Variants in ZSWIM4 observed in about 807,000 individuals in gnomAD.
The protein encoded by ZSWIM4 is zinc finger SWIM domain-containing protein 4.
ZSWIM4 carries 62 observed loss-of-function variants against 102.5 expected under a neutral mutation model. The ratio of observed to expected loss-of-function variants is 0.60; its 90% CI spans 0.49 to 0.75. The LOEUF (loss-of-function observed/expected upper bound fraction) is 0.75. Among genes scored for constraint, ZSWIM4 ranks in the 30% least tolerant of loss-of-function variants. ZSWIM4 has a pLI of 0.00. For synonymous variants in ZSWIM4, 652 were observed against 674.5 expected (o/e 0.97, Z 0.52); for missense variants, 1,280 against 1,529.6 (o/e 0.84, Z 2.72).
In ZSWIM4 at chr19:13,795,660, C is replaced by A. The variant is rs1015953921; in HGVS notation, c.12C>A (p.Pro4=). Residue 4 remains proline, a synonymous_variant, in exon 1 of 14, where the codon CCC becomes CCA. Coordinates refer to ENST00000590508, the MANE Select transcript of ZSWIM4 (RefSeq NM_001367834.3). ...CCCGGCCGGGCCGGATGGAACCCCC[C>A]GCGGCCAAGCGGAGCCGGGGCTGCC... MEP[P]AAKRSRGCPA... 1.7e-5 allele frequency: 14 copies of A among 834,350 alleles called. No individual in the cohort carries two copies. Among genetic ancestry groups the A allele is most frequent in the Middle Eastern group, 4.5e-4 (1 of 2,214 alleles). 51.7% of individuals were successfully genotyped at this position (834,350 alleles called of 1,614,324 possible).
chr19:13,823,597 A>T, intron 11 of ZSWIM4, 97 bp downstream of exon 11: 1 of 1,409,400 alleles, frequency 7.1e-7, no homozygotes, highest in African/African-American at 1.4e-5. Flanking sequence ...ATCCTTTCAC[A>T]AACTTCCCCC....
intron 2 of ZSWIM4, among the ~76,000 whole-genome samples, chr19:13,803,626 A>ACTAAAAATAC (rs1974832985): frequency 6.6e-6 from 1 of 151,376 alleles, no homozygotes; most frequent in Non-Finnish European, 1.5e-5. Flanking sequence ...CAATATGGTG[A>ACTAAAAATAC]AACCTGATCT....
chr19:13,798,273 G>A (rs1171623603), intron 1 of ZSWIM4, among the ~76,000 whole-genome samples: 2 of 152,018 alleles, frequency 1.3e-5, no homozygotes, highest in African/African-American at 4.8e-5. Flanking sequence ...TGAGTAGCTG[G>A]GATTCCAGAC....
intron 2 of ZSWIM4, among the ~76,000 whole-genome samples, chr19:13,802,994 C>T (rs187025721): frequency 6.6e-6 from 1 of 152,146 alleles, no homozygotes; most frequent in Admixed American, 6.6e-5. Context: ...CCTTGGATCT[C>T]AGGCAGCCAG....
chr19:13,812,344 A>T (rs1050903568), intron 5 of ZSWIM4, among the ~76,000 whole-genome samples: 1 of 151,628 alleles, frequency 6.6e-6, no homozygotes, highest in African/African-American at 2.4e-5. Flanking sequence ...CCCAGGCTGG[A>T]GTACAGTGGT....
intron 10 of ZSWIM4, among the ~76,000 whole-genome samples, chr19:13,820,231 T>C (rs1411534951): frequency 6.6e-6 from 1 of 151,928 alleles, no homozygotes; most frequent in Non-Finnish European, 1.5e-5. Context: ...TGTGTGTTTT[T>C]TGTTTTGTGT....
intron 3 of ZSWIM4, 50 bp from the exon 4 acceptor site, chr19:13,808,786 A>T: frequency 6.7e-7 from 1 of 1,492,368 alleles, no homozygotes; most frequent in Non-Finnish European, 9.0e-7. Flanking sequence ...AACCCAACCC[A>T]ACCCCAACTC....
intron 12 of ZSWIM4, among the ~76,000 whole-genome samples, chr19:13,826,457 T>G (rs974175251): frequency 6.6e-6 from 1 of 151,762 alleles, no homozygotes; most frequent in Non-Finnish European, 1.5e-5. Flanking sequence ...ACTCTAGGGG[T>G]GGGGTCTGTG....
chr19:13,822,163 TACACACACACACACACACACACAC>T (rs59602194), intron 10 of ZSWIM4, among the ~76,000 whole-genome samples: 1 of 142,184 alleles, frequency 7.0e-6, no homozygotes, highest in South Asian at 2.4e-4. Context: ...CACACACACA[TACACACACACACACACACACACAC>T]ACACACACAC....
At chr19:13,803,611 C>T (rs1974832303) in intron 2 of ZSWIM4, among the ~76,000 whole-genome samples, 2 of 150,918 alleles carry the variant, frequency 1.3e-5, no homozygotes, top group African/African-American at 4.9e-5. Flanking sequence ...CAAGACTAGC[C>T]TGGCCAATAT....
chr19:13,830,435 C>A lies in ZSWIM4; in HGVS notation c.2706C>A (p.Phe902Leu), dbSNP rs781050746. 1 of 1,609,306 alleles carries A rather than the reference C, an allele frequency of 6.2e-7. No individual in the cohort carries two copies. Among genetic ancestry groups the A allele is most frequent in the Non-Finnish European group, 8.5e-7 (1 of 1,179,908 alleles). ...TGTGCGAGAAGAACCACTCGGCCTT[C>A]GAGGCGGCCTACCAGATCGTGCTGG... ...LTLCEKNHSA[F>L]EAAYQIVLDA... is the part of the protein sequence containing the mutation. The change falls in exon 14 of 14, where the codon TTC (phenylalanine) becomes TTA (leucine). Residue 902 changes from phenylalanine to leucine, a missense_variant. Transcript: ENST00000590508.
At position 13,802,138 on chromosome 19, in the gene ZSWIM4, G is replaced by T. The variant is rs534636185; in HGVS notation, c.355+2217G>T. ...CTACAGGCACCTGCCACCACACCCA[G>T]CTAATTTTTTCTATTTTTTAGTAGA... On this transcript the variant is annotated intron_variant, in intron 2 of 13. Coordinates refer to ENST00000590508, the MANE Select transcript of ZSWIM4 (RefSeq NM_001367834.3). Among the ~76,000 whole-genome samples the T allele has an allele frequency of 5.6e-5, 8 of 142,130 alleles. No individual in the cohort carries two copies. In the East Asian group the frequency reaches 1.7e-3, roughly 30 times the overall value. 93.2% of individuals were successfully genotyped at this position (142,130 alleles called of 152,430 possible).
At position 13,817,785 on chromosome 19, in the gene ZSWIM4, A is replaced by T; in HGVS notation, c.1733A>T (p.Glu578Val). The change falls in exon 9 of 14, where the codon GAG becomes GTG. Residue 578 changes from glutamate (E) to valine (V), a missense_variant. By Grantham distance (121) the Glu-to-Val change is moderately radical (BLOSUM62 -2). Coordinates refer to ENST00000590508, the MANE Select transcript of ZSWIM4 (RefSeq NM_001367834.3). ...QHVPVPGSPGESYLVLALEVA... is the reference protein window; with the variant it reads ...QHVPVPGSPGVSYLVLALEVA... ...GTGCCTGTGCCCGGGAGCCCTGGGG[A>T]GTCCTACTTGGTGCTGGCGCTGGAG... The T allele has an allele frequency of 6.3e-7, 1 of 1,598,630 alleles. No homozygotes were observed. The highest frequency in any genetic ancestry group is 8.5e-7 in the Non-Finnish European group (1 of 1,174,098).
chr19:13,799,905 C>T lies in ZSWIM4; in HGVS notation c.339C>T (p.Asp113=), dbSNP rs1385781646. The T allele has an allele frequency of 2.5e-6, 4 of 1,611,320 alleles. No homozygotes were observed. The South Asian group carries it at 4.4e-5, about 18-fold the overall frequency. Reference sequence around the variant, plus strand: ...ACCTGCTCCAGAGCGGGGCCGTGGACCGCGTGTTGCAAGTGGGTGAGTCTT... The same window carrying T: ...ACCTGCTCCAGAGCGGGGCCGTGGATCGCGTGTTGCAAGTGGGTGAGTCTT... ...GLHLLQSGAV[D]RVLQVGFHLS... is the part of the protein sequence containing the mutation. The change falls in exon 2 of 14, where the codon GAC becomes GAT. Residue 113 remains aspartate (D), a synonymous_variant. Transcript: ENST00000590508.
At chr19:13,821,170 GC>G (rs951698884) in intron 10 of ZSWIM4, among the ~76,000 whole-genome samples, 11 of 151,788 alleles carry the variant, frequency 7.2e-5, no homozygotes, top group African/African-American at 2.7e-4. Context: ...TGTAATCCCA[GC>G]TACTCCGGAG....
Position 13,817,604 on chromosome 19 carries a change from C to T in ZSWIM4, c.1670-118C>T, listed in dbSNP as rs937657088. On this transcript the variant is annotated intron_variant, in intron 8 of 13. Transcript: ENST00000590508. ...CCCCCAACCCCGTGAGTGCTGGGAG[C>T]TTCTGGGCTCCCTCTAAAGCCTACC... 6.6e-5 allele frequency: 87 copies of T among 1,308,322 alleles called. 1 individual carries two copies. In the South Asian group the frequency reaches 1.3e-3, roughly 19 times the overall value. 81.0% of individuals were successfully genotyped at this position (1,308,322 alleles called of 1,614,324 possible). A position where few individuals can be genotyped will look rare whatever the true frequency, so the allele number is the denominator to read the frequency against.
At chr19:13,810,293 G>T (rs944288947) in intron 5 of ZSWIM4, among the ~76,000 whole-genome samples, 2 of 114,954 alleles carry the variant, frequency 1.7e-5, no homozygotes, top group Non-Finnish European at 1.8e-5. Flanking sequence ...CACGGCACCT[G>T]GCCTGTTTTC....
rs1568331795 is a variant in ZSWIM4 at position 13,808,855 on chromosome 19, C to A, written c.732C>A (p.Ala244=). 6.2e-7 allele frequency: 1 copy of A among 1,608,922 alleles called. No individual in the cohort carries two copies. The highest frequency in any genetic ancestry group is 1.7e-5 in the Admixed American group (1 of 59,250). Residue 244 remains alanine, a synonymous_variant, in exon 4 of 14, where the codon GCC becomes GCA. Coordinates refer to ENST00000590508, the MANE Select transcript of ZSWIM4 (RefSeq NM_001367834.3). Reference sequence around the variant, plus strand: ...CGGCAGGTGCCCCAGACCCCACCGCCGGCGCAGGAATCGAGGACGCCAACT... The same window carrying A: ...CGGCAGGTGCCCCAGACCCCACCGCAGGCGCAGGAATCGAGGACGCCAACT... ...NLVNGAPDPT[A]GAGIEDANCW...
chr19:13,807,305 G>C (rs748044476), intron 3 of ZSWIM4, among the ~76,000 whole-genome samples: 2 of 151,898 alleles, frequency 1.3e-5, no homozygotes, highest in Non-Finnish European at 2.9e-5. Flanking sequence ...GTATGGACAT[G>C]TGGATGAAGT....
Sources: gnomAD v4.1 joint callset for allele counts (sites outside exome capture counted in the v4.1 genomes callset) on GRCh38, gnomAD v4.1.1 for gene constraint, MANE v1.5 for transcripts, NCBI Gene and HGNC (gene_info 2026-07-23, HGNC 2026-07-21) for gene names.